Variants in DNAH12 observed in about 807,000 individuals in gnomAD.
DNAH12 encodes dynein axonemal heavy chain 12.
DNAH12 carries 285 observed loss-of-function variants against 371.5 expected under a neutral mutation model. That is an observed-to-expected ratio of 0.77 (90% CI 0.70 to 0.85). The LOEUF is 0.85. DNAH12 is among the 40% of genes least tolerant of loss of function. DNAH12 has a pLI of 0.00. For missense variants in DNAH12, 3,611 were observed against 3,689.4 expected, an observed-to-expected ratio of 0.98 and a Z score of 0.55; for synonymous variants, 1,200 against 1,213.0, an observed-to-expected ratio of 0.99 and a Z score of 0.22.
At chr3:57,397,649 G>T (rs2063772992) in intron 43 of DNAH12, among the ~76,000 whole-genome samples, 1 of 152,294 alleles carries the variant, frequency 6.6e-6, no homozygotes, top group South Asian at 2.1e-4. Flanking sequence ...GAATACAACG[G>T]AATCAGCAAC....
rs1553679805 is a variant in DNAH12, at chr3:57,403,444, A to T, written c.6813T>A (p.Asn2271Lys). 1.3e-5 allele frequency: 20 copies of T among 1,551,528 alleles called. No individual in the cohort carries two copies. Among genetic ancestry groups the T allele is most frequent in the Non-Finnish European group, 1.7e-5 (20 of 1,146,886 alleles). ...TTCCTCCAAGACCAACAAGCAAAGC[A>T]TTTCCACCAGATTGCTTTAGAACTC... ...ICRVLKQSGGNALLVGLGGSG... is the reference protein window; with the variant it reads ...ICRVLKQSGGKALLVGLGGSG... The change falls in exon 43 of 74, where the codon AAT becomes AAA. Residue 2271 changes from asparagine (N) to lysine (K), a missense_variant. Transcript: ENST00000495027.
Position 57,301,886 on chromosome 3 carries a change from C to T in DNAH12, c.11243G>A (p.Gly3748Asp), listed in dbSNP as rs1189852075. The T allele has an allele frequency of 6.4e-7, 1 of 1,551,538 alleles. No homozygotes were observed. Among genetic ancestry groups the T allele is most frequent in the Non-Finnish European group, 8.7e-7 (1 of 1,146,962 alleles). ...TLRDLEKAIK[G>D]VVVMDSALEA... Reference sequence around the variant, plus strand: ...CAATGCAGAATCCATCACAACCACACCCTTAATAGCTTTTTCAAGGTCCCG... The same window carrying T: ...CAATGCAGAATCCATCACAACCACATCCTTAATAGCTTTTTCAAGGTCCCG... The change falls in exon 70 of 74, where the codon GGT (glycine) becomes GAT (aspartate). Residue 3748 changes from glycine (G) to aspartate (D), a missense_variant. Gly to Asp is a moderately conservative substitution (Grantham distance 94). Transcript: ENST00000495027.
chr3:57,309,791 C>T lies in DNAH12; in HGVS notation c.10960G>A (p.Asp3654Asn), dbSNP rs2061550572. ...AAGAGGGTTTTTGTTTGTTGAAGATCCTTGGAGATGTCAACGTTTTCATGT... is the reference window on the plus strand; with the variant it reads ...AAGAGGGTTTTTGTTTGTTGAAGATTCTTGGAGATGTCAACGTTTTCATGT... ...GLHENVDISK[D>N]LQQTKTLFES... is the part of the protein sequence containing the mutation. Residue 3654 changes from aspartate to asparagine, a missense_variant, in exon 68 of 74, where the codon GAT becomes AAT. This residue lies in a region of DNAH12 where 2,266 missense variants were observed against 2,236.9 expected (regional missense o/e 1.01). Transcript: ENST00000495027. 1.3e-6 allele frequency: 2 copies of T among 1,551,366 alleles called. No homozygotes were observed. The highest frequency in any genetic ancestry group is 2.4e-5 in the East Asian group (1 of 40,890).
chr3:57,535,155 G>A (rs537333601), intron 2 of DNAH12, among the ~76,000 whole-genome samples: 1 of 152,280 alleles, frequency 6.6e-6, no homozygotes, highest in African/African-American at 2.4e-5. Context: ...CTGATTGATG[G>A]CAGAGCCTAT....
intron 53 of DNAH12, among the ~76,000 whole-genome samples, chr3:57,376,505 A>T (rs2063283986): frequency 6.6e-6 from 1 of 152,184 alleles, no homozygotes; most frequent in Non-Finnish European, 1.5e-5. Flanking sequence ...TTACTTTATC[A>T]TGCTATTCAT....
Position 57,489,694 on chromosome 3 carries a change from A to G in DNAH12, c.1336-7T>C. ...TGAGAAATTTTTCTATAAACTTGAA[A>G]AAAAGTGTTCAAATGAAAAAAAAAA... is the stretch of plus-strand genomic sequence containing the variant. On this transcript the variant is annotated splice_polypyrimidine_tract_variant and splice_region_variant and intron_variant, in intron 11 of 73. Transcript: ENST00000495027. The G allele has an allele frequency of 6.7e-7, 1 of 1,501,224 alleles. No individual in the cohort carries two copies. The highest frequency in any genetic ancestry group is 8.8e-7 in the Non-Finnish European group (1 of 1,133,166). The allele number at this position is 1,501,224 out of a possible 1,614,324, so 93.0% of individuals were successfully genotyped here.
At chr3:57,550,218 G>A in the DNAH12 span, among the ~76,000 whole-genome samples, 1 of 152,120 alleles carries the variant, frequency 6.6e-6, no homozygotes, top group East Asian at 1.9e-4. Flanking sequence ...GGGAGACTGA[G>A]GCAAGAGGAT....
At chr3:57,345,716 T>A (rs781883339) in intron 60 of DNAH12, among the ~76,000 whole-genome samples, 1 of 152,208 alleles carries the variant, frequency 6.6e-6, no homozygotes, top group African/African-American at 2.4e-5. Flanking sequence ...ATTTCTTGAC[T>A]GCAAATGATG....
intron 33 of DNAH12, 127 bp downstream of exon 33, chr3:57,429,562 CTG>C: frequency 1.3e-6 from 1 of 799,188 alleles, no homozygotes; most frequent in South Asian, 1.8e-5. Context: ...CAAGCATACA[CTG>C]TGTCTTATTC....
rs577695345 is a variant in DNAH12, at chr3:57,498,985, C to T, written c.1335+2336G>A. ...CTGCACTCCAGCCTGGGCAACAGAG[C>T]AAGACTCCGTCTCAAAAACAAAAAC... On this transcript the variant is annotated intron_variant, in intron 11 of 73. Transcript: ENST00000495027. Among the ~76,000 whole-genome samples, 36 of 149,070 alleles carry T rather than the reference C, an allele frequency of 2.4e-4. No homozygotes were observed. The East Asian group carries it at 6.3e-3, about 26-fold the overall frequency.
chr3:57,550,245 T>G, the DNAH12 span, among the ~76,000 whole-genome samples: 6 of 151,910 alleles, frequency 3.9e-5, no homozygotes, highest in Non-Finnish European at 7.4e-5. Flanking sequence ...AGCCCAGAAA[T>G]TTGAGATTAC....
chr3:57,433,770 C>T lies in DNAH12; in HGVS notation c.4714G>A (p.Asp1572Asn), dbSNP rs6773904. 752,722 of 1,550,106 alleles carry T rather than the reference C, an allele frequency of 0.49. 187,650 individuals are homozygous for T. The highest frequency in any genetic ancestry group is 0.56 in the South Asian group (47,181 of 83,696). ...AKTKVLHVLA[D>N]TLTLMNEHGY... ...TGTTCATTCATTAAAGTTAGCGTAT[C>T]CGCCAGCACATGCAGAACTTTTGTC... is the stretch of plus-strand genomic sequence containing the variant. The change falls in exon 31 of 74, where the codon GAT becomes AAT. Residue 1572 changes from aspartate to asparagine, a missense_variant. Transcript: ENST00000495027.
chr3:57,550,357 A>G, the DNAH12 span, among the ~76,000 whole-genome samples: 1 of 152,156 alleles, frequency 6.6e-6, no homozygotes, highest in Non-Finnish European at 1.5e-5. Flanking sequence ...ATAAATAAAT[A>G]TTAATAATAA....
At chr3:57,528,657 C>T (rs1463805246) in intron 2 of DNAH12, among the ~76,000 whole-genome samples, 55 of 148,232 alleles carry the variant, frequency 3.7e-4, no homozygotes, top group African/African-American at 1.2e-3. Context: ...ACCCGGGAGG[C>T]GGAGGTTGCG....
At position 57,325,007 on chromosome 3, in the gene DNAH12, G is replaced by A. The variant is rs1037985035; in HGVS notation, c.9979-1388C>T. 7.9e-5 allele frequency among the ~76,000 whole-genome samples: 12 copies of A among 152,212 alleles called. No homozygotes were observed. The East Asian group carries it at 1.4e-3, about 17-fold the overall frequency. ...TGAGATCAAACTGCAAGGCGGCAGC[G>A]AGGCTGGGGAAGGGGCGCCCGCCAT... On this transcript the variant is annotated intron_variant, in intron 62 of 73. Transcript: ENST00000495027.
At chr3:57,383,811 A>G (rs1408512361) in intron 49 of DNAH12, among the ~76,000 whole-genome samples, 1 of 151,972 alleles carries the variant, frequency 6.6e-6, no homozygotes, top group Non-Finnish European at 1.5e-5. Context: ...GAGAGCATGA[A>G]GAAAGAATAT....
At chr3:57,498,673 T>C (rs1332227198) in intron 11 of DNAH12, 8 of 682,754 alleles carry the variant, frequency 1.2e-5, no homozygotes, top group Non-Finnish European at 1.9e-5. Context: ...AGAAACTATA[T>C]ACCTATACAG....
intron 60 of DNAH12, among the ~76,000 whole-genome samples, chr3:57,339,595 A>G (rs2062342559): frequency 6.6e-6 from 1 of 152,126 alleles, no homozygotes; most frequent in African/African-American, 2.4e-5. Context: ...AGGATTTTGA[A>G]TGTTCCCAAC....
chr3:57,501,307 G>C lies in DNAH12; in HGVS notation c.1335+14C>G. ...AATTCAAAACGCATTAATAAAAACA[G>C]AATTACCGCTTACCTCTGTATATTC... is the stretch of plus-strand genomic sequence containing the variant. On this transcript the variant is annotated intron_variant, in intron 11 of 73. Transcript: ENST00000495027. 1 of 1,591,708 alleles carries C rather than the reference G, an allele frequency of 6.3e-7. No homozygotes were observed. The highest frequency in any genetic ancestry group is 8.6e-7 in the Non-Finnish European group (1 of 1,169,546).
Sources: gnomAD v4.1 joint callset for allele counts (sites outside exome capture counted in the v4.1 genomes callset) on GRCh38, gnomAD v4.1.1 for gene constraint, gnomAD v4.1.1 regional missense constraint, MANE v1.5 for transcripts, NCBI Gene and HGNC (gene_info 2026-07-23, HGNC 2026-07-21) for gene names.